Variants in CATSPERT observed in about 807,000 individuals in gnomAD.
CATSPERT encodes cation channel sperm-associated targeting subunit tau.
chr2:201,513,829 C>T, the CATSPERT span, among the ~76,000 whole-genome samples: 3 of 152,082 alleles, frequency 2.0e-5, no homozygotes, highest in African/African-American at 7.2e-5. Flanking sequence ...GGCTATAAAA[C>T]AGTTTCAGTT....
chr2:201,574,060 A>G, the CATSPERT span: 3 of 471,576 alleles, frequency 6.4e-6, no homozygotes, highest in Non-Finnish European at 1.1e-5. Flanking sequence ...GCTGAAGAGA[A>G]GCCCACATAC....
chr2:201,511,867 A>AC, the CATSPERT span: 9 of 150,760 alleles, frequency 6.0e-5, no homozygotes, highest in East Asian at 1.9e-4. Flanking sequence ...AAAAAAAAAA[A>AC]AAAAAACTCT....
the CATSPERT span, chr2:201,492,457 T>G: frequency 5.2e-6 from 8 of 1,533,128 alleles, no homozygotes; most frequent in Non-Finnish European, 7.0e-6. Context: ...TAAAGGATAT[T>G]TCATGTTTAT....
chr2:201,571,795 ACT>A, the CATSPERT span: 43 of 622,552 alleles, frequency 6.9e-5, 1 homozygote, highest in South Asian at 8.8e-4. Flanking sequence ...ACAATTCACT[ACT>A]CTCTTCACCT....
the CATSPERT span, among the ~76,000 whole-genome samples, chr2:201,596,049 A>G: frequency 1.2e-3 from 189 of 152,334 alleles, 1 homozygote; most frequent in African/African-American, 4.4e-3. Flanking sequence ...CAAAAATACC[A>G]TTTGACACAG....
the CATSPERT span, among the ~76,000 whole-genome samples, chr2:201,592,859 G>A: frequency 6.6e-6 from 1 of 152,014 alleles, no homozygotes; most frequent in Non-Finnish European, 1.5e-5. Context: ...GCATCTATTT[G>A]ATTCTTCTCT....
At chr2:201,601,640 G>T in the CATSPERT span, 1 of 1,173,280 alleles carries the variant, frequency 8.5e-7, no homozygotes, top group Non-Finnish European at 1.2e-6. Flanking sequence ...TACTGCTTTT[G>T]TTTCTTTTCT....
chr2:201,572,032 G>GT, the CATSPERT span: 2 of 1,582,974 alleles, frequency 1.3e-6, no homozygotes, highest in Non-Finnish European at 8.6e-7. Context: ...TGAAAAAAAT[G>GT]TAAGTGTATT....
the CATSPERT span, among the ~76,000 whole-genome samples, chr2:201,607,188 G>T: frequency 2.6e-5 from 4 of 151,814 alleles, no homozygotes; most frequent in East Asian, 1.9e-4. Flanking sequence ...CCGATCTTTC[G>T]GATTTGGGTA....
the CATSPERT span, among the ~76,000 whole-genome samples, chr2:201,594,799 G>A: frequency 3.3e-5 from 5 of 151,946 alleles, no homozygotes; most frequent in South Asian, 4.2e-4. Context: ...CATTCTTCAC[G>A]TAGTTCTCGA....
At chr2:201,582,591 AAATCCAAAT>A in the CATSPERT span, among the ~76,000 whole-genome samples, 1 of 152,212 alleles carries the variant, frequency 6.6e-6, no homozygotes, top group African/African-American at 2.4e-5. Context: ...ACCCAATACG[AAATCCAAAT>A]AATCCAGATA....
the CATSPERT span, among the ~76,000 whole-genome samples, chr2:201,512,674 T>A: frequency 6.6e-6 from 1 of 152,162 alleles, no homozygotes. Flanking sequence ...CAAAGTTTAT[T>A]CACCAGTTAA....
At chr2:201,562,941 C>T in the CATSPERT span, among the ~76,000 whole-genome samples, 14 of 150,214 alleles carry the variant, frequency 9.3e-5, no homozygotes, top group South Asian at 4.3e-4. Context: ...CGCAACCATC[C>T]GATTTCTCAA....
At chr2:201,559,486 C>T in the CATSPERT span, among the ~76,000 whole-genome samples, 17 of 152,200 alleles carry the variant, frequency 1.1e-4, no homozygotes, top group Admixed American at 1.1e-3. Flanking sequence ...TGTGTGCCCA[C>T]ATCTGACGCC....
the CATSPERT span, chr2:201,493,655 GTAATTGA>G: frequency 6.5e-7 from 1 of 1,537,164 alleles, no homozygotes; most frequent in Non-Finnish European, 8.7e-7. Context: ...CAAGGTGTAG[GTAATTGA>G]TTTTCCAAGT....
the CATSPERT span, among the ~76,000 whole-genome samples, chr2:201,611,763 A>G: frequency 2.0e-5 from 3 of 152,146 alleles, no homozygotes; most frequent in Non-Finnish European, 2.9e-5. Flanking sequence ...GAATGCTAGT[A>G]TCCCTAACAA....
chr2:201,496,957 T>C, the CATSPERT span, among the ~76,000 whole-genome samples: 1 of 152,190 alleles, frequency 6.6e-6, no homozygotes, highest in African/African-American at 2.4e-5. Context: ...TTTAGAAGCA[T>C]CATAATGTGC....
chr2:201,587,341 G>T, the CATSPERT span, among the ~76,000 whole-genome samples: 1 of 151,898 alleles, frequency 6.6e-6, no homozygotes, highest in Non-Finnish European at 1.5e-5. Flanking sequence ...GGGATCATTT[G>T]TCTTCAACCT....
At chr2:201,535,804 G>A in the CATSPERT span, 2 of 1,428,610 alleles carry the variant, frequency 1.4e-6, no homozygotes, top group Non-Finnish European at 1.8e-6. Flanking sequence ...TGTCTCCCTA[G>A]TCTTATACTT....
Sources: gnomAD v4.1 joint callset for allele counts (sites outside exome capture counted in the v4.1 genomes callset) on GRCh38, gnomAD v4.1.1 for gene constraint, MANE v1.5 for transcripts, NCBI Gene and HGNC (gene_info 2026-07-23, HGNC 2026-07-21) for gene names.